L1TD1: variants seen among roughly 807,000 people sequenced by gnomAD.
L1TD1 encodes LINE1 type transposase domain containing 1, also known as LINE-1 type transposase domain-containing protein 1.
In L1TD1, 26 loss-of-function variants were observed where a neutral mutation model predicts 25.7. The ratio of observed to expected loss-of-function variants is 1.01; its 90% CI spans 0.74 to 1.40. The LOEUF is 1.40. L1TD1 is among the 40% of genes most tolerant of loss of function. L1TD1 has a pLI of 0.00. For missense variants in L1TD1, 1,130 were observed against 975.0 expected (o/e 1.16, Z -2.12); for synonymous variants, 421 against 335.6 (o/e 1.25, Z -2.78).
chr1:62,198,520 C>T (rs1157447466), intron 2 of L1TD1, among the ~76,000 whole-genome samples: 2 of 151,542 alleles, frequency 1.3e-5, no homozygotes, highest in African/African-American at 4.9e-5. Flanking sequence ...ACACCGACCC[C>T]CCGCCGCCGC....
In L1TD1 at chr1:62,210,503, T is replaced by G; in HGVS notation, c.1729T>G (p.Leu577Val). 1 of 1,613,864 alleles carries G rather than the reference T, an allele frequency of 6.2e-7. No homozygotes were observed. Among genetic ancestry groups the G allele is most frequent in the Non-Finnish European group, 8.5e-7 (1 of 1,179,998 alleles). The change falls in exon 4 of 4, where the codon TTG becomes GTG. Residue 577 changes from leucine (L) to valine (V), a missense_variant. By Grantham distance (32) the Leu-to-Val change is conservative (BLOSUM62 1). Transcript: ENST00000498273. Reference protein sequence around the residue: ...DEHKKHSHTNLSISTGVTKLK... With the variant: ...DEHKKHSHTNVSISTGVTKLK... ...GCATAAAAAGCATTCACATACAAAT[T>G]TGAGTATTTCAACAGGAGTCACCAA...
Position 62,211,235 on chromosome 1 carries a change from C to T in L1TD1, c.2461C>T (p.Pro821Ser), listed in dbSNP as rs1036127850. The T allele has an allele frequency of 9.5e-6, 15 of 1,575,262 alleles. No individual in the cohort carries two copies. Among genetic ancestry groups the T allele is most frequent in the African/African-American group, 1.4e-5 (1 of 73,846 alleles). Residue 821 changes from proline (P) to serine (S), a missense_variant, in exon 4 of 4, where the codon CCT (proline) becomes TCT (serine). Physicochemically the swap from Pro to Ser is moderately conservative, Grantham distance 74 (BLOSUM62 -1). Transcript: ENST00000498273. Reference sequence around the variant, plus strand: ...AGTTCTGCTGGAAAAAGGCTTTAATCCTAGAATCCTATATCCAGCCAAAAT... The same window carrying T: ...AGTTCTGCTGGAAAAAGGCTTTAATTCTAGAATCCTATATCCAGCCAAAAT... ...FKVLLEKGFNPRILYPAKMAF... is the reference protein window; with the variant it reads ...FKVLLEKGFNSRILYPAKMAF...
rs1440551714 is a variant in L1TD1 at position 62,210,708 on chromosome 1, T to G, written c.1934T>G (p.Ile645Ser). Reference protein sequence around the residue: ...LKSSHSGVLEIENSVDDLSSR... With the variant: ...LKSSHSGVLESENSVDDLSSR... ...AGTTCCCATTCAGGTGTCTTGGAAA[T>G]TGAAAATTCAGTAGATGATCTGAGT... Residue 645 changes from isoleucine (I) to serine (S), a missense_variant, in exon 4 of 4, where the codon ATT becomes AGT. Transcript: ENST00000498273. 3.9e-6 allele frequency: 6 copies of G among 1,551,960 alleles called. No individual in the cohort carries two copies. Among genetic ancestry groups the G allele is most frequent in the Non-Finnish European group, 5.2e-6 (6 of 1,147,090 alleles).
At position 62,206,368 on chromosome 1, in the gene L1TD1, A is replaced by G. The variant is rs191424208; in HGVS notation, c.-110-151A>G. On this transcript the variant is annotated intron_variant, in intron 2 of 3. Transcript: ENST00000498273. ...TGATAATTTATAAATTTTGAATTCTAATTTTCTAATCTTACCCATTTTGCT... is the reference window on the plus strand; with the variant it reads ...TGATAATTTATAAATTTTGAATTCTGATTTTCTAATCTTACCCATTTTGCT... 3.1e-4 allele frequency among the ~76,000 whole-genome samples: 29 copies of G among 94,812 alleles called. 1 individual carries two copies. The highest frequency in any genetic ancestry group is 5.4e-3 in the Middle Eastern group (1 of 184). The allele number at this position is 94,812 out of a possible 152,430, so 62.2% of individuals were successfully genotyped here.
intron 2 of L1TD1, among the ~76,000 whole-genome samples, 186 bp downstream of exon 2, chr1:62,196,714 TC>T (rs1262951652): frequency 6.6e-6 from 1 of 152,150 alleles, no homozygotes; most frequent in Non-Finnish European, 1.5e-5. Flanking sequence ...TCCCTCAGCC[TC>T]CCAAGTAGCT....
At chr1:62,208,801 TA>T (rs1169267681) in intron 3 of L1TD1, among the ~76,000 whole-genome samples, 5 of 152,110 alleles carry the variant, frequency 3.3e-5, no homozygotes, top group African/African-American at 1.2e-4. Flanking sequence ...CGTAAGCCAA[TA>T]TTTTTTTACA....
Position 62,210,421 on chromosome 1 carries a change from C to G in L1TD1, c.1647C>G (p.Pro549=), listed in dbSNP as rs147452990. The G allele has an allele frequency of 6.3e-5, 101 of 1,614,134 alleles. No homozygotes were observed. Among genetic ancestry groups the G allele is most frequent in the Non-Finnish European group, 8.2e-5 (97 of 1,180,022 alleles). The part of the protein sequence containing the change: ...AVPTSQGTGT[P]CLTLCLASPS... Reference sequence around the variant, plus strand: ...CCACAAGTCAAGGAACTGGCACACCCTGTCTGACCTTATGTTTGGCCTCTC... The same window carrying G: ...CCACAAGTCAAGGAACTGGCACACCGTGTCTGACCTTATGTTTGGCCTCTC... The change falls in exon 4 of 4, where the codon CCC becomes CCG. Residue 549 remains proline, a synonymous_variant. Transcript: ENST00000498273.
In L1TD1 at chr1:62,207,138, C is replaced by A. The variant is rs781240674; in HGVS notation, c.510C>A (p.Val170=). 6.3e-7 allele frequency: 1 copy of A among 1,579,290 alleles called. No homozygotes were observed. The highest frequency in any genetic ancestry group is 1.1e-5 in the South Asian group (1 of 87,668). ...AGGGTGAATCACGAAGTTACGAAGT[C>A]ATGGGAAGTATGGAAGAAACCTTAT... ...LPQGESRSYE[V]MGSMEETLCN... Residue 170 remains valine (V), a synonymous_variant, in exon 3 of 4, where the codon GTC becomes GTA. Coordinates refer to ENST00000498273, the MANE Select transcript of L1TD1 (RefSeq NM_019079.5).
At chr1:62,209,150 A>G (rs1323596762) in intron 3 of L1TD1, among the ~76,000 whole-genome samples, 1 of 152,166 alleles carries the variant, frequency 6.6e-6, no homozygotes, top group Non-Finnish European at 1.5e-5. Flanking sequence ...CCTGCTTTAT[A>G]AGGAAAATTG....
chr1:62,196,141 CTTG>C (rs1256936200), intron 1 of L1TD1, among the ~76,000 whole-genome samples: 2 of 152,150 alleles, frequency 1.3e-5, no homozygotes, highest in Non-Finnish European at 1.5e-5. Flanking sequence ...AAATCGAATT[CTTG>C]TTCAAATTGC....
rs1670501398 is a variant in L1TD1 at position 62,194,897 on chromosome 1, T to C, written c.-229T>C. The stretch of plus-strand genomic sequence containing the variant: ...CCTCACTTTGTTCGCTCCTCAGTCG[T>C]CCAGGCGGATTCCTTTTTCGCCAGG... On this transcript the variant is annotated 5_prime_UTR_variant, in exon 1 of 4. Transcript: ENST00000498273. The C allele has an allele frequency of 6.6e-6, 1 of 152,432 alleles. No individual in the cohort carries two copies. The highest frequency in any genetic ancestry group is 6.5e-5 in the Admixed American group (1 of 15,290). The allele number at this position is 152,432 out of a possible 1,614,324, so 9.4% of individuals were successfully genotyped here. A position where few individuals can be genotyped will look rare whatever the true frequency, so the allele number is the denominator to read the frequency against.
chr1:62,209,656 A>G, intron 3 of L1TD1, 127 bp from the exon 4 acceptor site: 2 of 835,062 alleles, frequency 2.4e-6, no homozygotes, highest in Non-Finnish European at 1.8e-6. Flanking sequence ...ATATTTAAGC[A>G]CTTTTTCAGA....
At position 62,210,607 on chromosome 1, in the gene L1TD1, G is replaced by A; in HGVS notation, c.1833G>A (p.Glu611=). ...CATCCAAAGAAGCAGACTTAACAGA[G>A]GAAACAGAAGAAAACTTGAGAAGTA... The part of the protein sequence containing the change: ...ELTSKEADLT[E]ETEENLRSSV... The change falls in exon 4 of 4, where the codon GAG becomes GAA. Residue 611 remains glutamate, a synonymous_variant. Coordinates refer to ENST00000498273, the MANE Select transcript of L1TD1 (RefSeq NM_019079.5). The A allele has an allele frequency of 1.2e-6, 2 of 1,607,454 alleles. No individual in the cohort carries two copies. The highest frequency in any genetic ancestry group is 1.7e-6 in the Non-Finnish European group (2 of 1,176,492).
At chr1:62,196,864 T>C (rs1254098152) in intron 2 of L1TD1, among the ~76,000 whole-genome samples, 2 of 151,928 alleles carry the variant, frequency 1.3e-5, no homozygotes, top group Non-Finnish European at 2.9e-5. Context: ...AGTGATGGGA[T>C]TACAGGCGTG....
chr1:62,198,781 C>T (rs942894428), intron 2 of L1TD1, among the ~76,000 whole-genome samples: 6 of 74,572 alleles, frequency 8.0e-5, no homozygotes, highest in East Asian at 3.4e-4. Context: ...TTTAAAGTAA[C>T]CTCCTTAAAA....
chr1:62,211,638 A>T lies in L1TD1; in HGVS notation c.*266A>T, dbSNP rs1570934004. 3.1e-6 allele frequency: 1 copy of T among 327,528 alleles called. No homozygotes were observed. Among genetic ancestry groups the T allele is most frequent in the Non-Finnish European group, 5.3e-6 (1 of 188,072 alleles). The allele number at this position is 327,528 out of a possible 1,614,324, so 20.3% of individuals were successfully genotyped here. On this transcript the variant is annotated 3_prime_UTR_variant, in exon 4 of 4. Transcript: ENST00000498273. ...TTCCTTGTTTTACTTCCCCCCCACC[A>T]CCTCCCTACTGCAGTTGACTAGTCT...
At chr1:62,203,285 A>C (rs965267149) in intron 2 of L1TD1, among the ~76,000 whole-genome samples, 1 of 152,174 alleles carries the variant, frequency 6.6e-6, no homozygotes, top group African/African-American at 2.4e-5. Context: ...ATACTGTTTA[A>C]GTATACAATA....
At position 62,210,991 on chromosome 1, in the gene L1TD1, G is replaced by T; in HGVS notation, c.2217G>T (p.Glu739Asp). 6.5e-7 allele frequency: 1 copy of T among 1,546,252 alleles called. No homozygotes were observed. Among genetic ancestry groups the T allele is most frequent in the Non-Finnish European group, 8.7e-7 (1 of 1,145,730 alleles). The change falls in exon 4 of 4, where the codon GAG (glutamate) becomes GAT (aspartate). Residue 739 changes from glutamate (E) to aspartate (D), a missense_variant. Coordinates refer to ENST00000498273, the MANE Select transcript of L1TD1 (RefSeq NM_019079.5). ...FAELKKGSSL[E>D]IVSACRVPSK... ...AACTAAAGAAAGGTTCAAGTCTTGAGATTGTCAGTGCTTGTCGAGTACCTA... is the reference window on the plus strand; with the variant it reads ...AACTAAAGAAAGGTTCAAGTCTTGATATTGTCAGTGCTTGTCGAGTACCTA...
In L1TD1 at chr1:62,205,439, A is replaced by ATTTTTTTTT. The variant is rs1297750882; in HGVS notation, c.-110-1079_-110-1078insTTTTTTTTT. Among the ~76,000 whole-genome samples, 53 of 44,172 alleles carry ATTTTTTTTT rather than the reference A, an allele frequency of 1.2e-3. 2 individuals carry two copies. Among genetic ancestry groups the ATTTTTTTTT allele is most frequent in the African/African-American group, 2.7e-3 (31 of 11,632 alleles). The allele number at this position is 44,172 out of a possible 152,430, so 29.0% of individuals were successfully genotyped here. A position where few individuals can be genotyped will look rare whatever the true frequency, so the allele number is the denominator to read the frequency against. On this transcript the variant is annotated intron_variant, in intron 2 of 3. Coordinates refer to ENST00000498273, the MANE Select transcript of L1TD1 (RefSeq NM_019079.5). ...TCTCTATATATATATATATATATAT[A>ATTTTTTTTT]TATATTTTTTTTTAGACAGTCTTGC...
Sources: allele counts gnomAD v4.1 joint callset (sites outside exome capture counted in the v4.1 genomes callset), GRCh38; gene constraint gnomAD v4.1.1; transcripts MANE v1.5; gene names NCBI Gene and HGNC (gene_info 2026-07-23, HGNC 2026-07-21).